NTNG1: variants seen among roughly 807,000 people sequenced by gnomAD.
The protein encoded by NTNG1 is netrin G1.
Under a neutral mutation model 54.0 loss-of-function variants are expected in NTNG1, and 16 were observed. The ratio of observed to expected loss-of-function variants is 0.30; its 90% CI spans 0.20 to 0.45. The LOEUF (loss-of-function observed/expected upper bound fraction) is 0.45, where lower values mean the gene tolerates loss of function less well. NTNG1 is among the 20% of genes least tolerant of loss of function. The pLI is 1.00. For missense variants in NTNG1, 530 were observed against 678.7 expected (o/e 0.78, Z 2.43); for synonymous variants, 255 against 263.1 (o/e 0.97, Z 0.30).
chr1:107,162,431 T>C (rs1655476251), intron 2 of NTNG1, among the ~76,000 whole-genome samples: 1 of 152,196 alleles, frequency 6.6e-6, no homozygotes, highest in African/African-American at 2.4e-5. Context: ...TGATGTATCA[T>C]GGTAACCACA....
intron 2 of NTNG1, among the ~76,000 whole-genome samples, chr1:107,153,607 T>C (rs1389949096): frequency 6.6e-6 from 1 of 152,224 alleles, no homozygotes; most frequent in Non-Finnish European, 1.5e-5. Context: ...TTGGAATGAA[T>C]TAAGTTCCAA....
At position 107,263,925 on chromosome 1, in the gene NTNG1, G is replaced by A. The variant is rs374945963; in HGVS notation, c.247-60357G>A. ...CAAACACATCTTGATGAAATGTTCT[G>A]AAGTTTCCTATCTTTAAAAAAAATG... On this transcript the variant is annotated intron_variant, in intron 2 of 7. Coordinates refer to ENST00000370068, the MANE Select transcript of NTNG1 (RefSeq NM_001113226.3). Among the ~76,000 whole-genome samples the A allele has an allele frequency of 2.8e-4, 43 of 152,180 alleles. 1 individual carries two copies. The South Asian group carries it at 8.9e-3, about 32-fold the overall frequency.
intron 7 of NTNG1, among the ~76,000 whole-genome samples, chr1:107,447,191 C>T (rs1464437838): frequency 6.6e-6 from 1 of 152,030 alleles, no homozygotes; most frequent in Non-Finnish European, 1.5e-5. Context: ...ATTTAGGCCT[C>T]TTTTTAATTA....
At chr1:107,315,359 A>G (rs1051447093) in intron 2 of NTNG1, among the ~76,000 whole-genome samples, 8 of 152,126 alleles carry the variant, frequency 5.3e-5, no homozygotes, top group African/African-American at 1.7e-4. Context: ...AGGATCCACT[A>G]TCCACACAGA....
rs650251 is a variant in NTNG1 at position 107,483,888 on chromosome 1, T to G, written c.*3048T>G. ...GATAATGGACATGCCCTGCTGTGAT[T>G]TGAGGGTTATTTATTTCTGACCCTG... On this transcript the variant is annotated 3_prime_UTR_variant, in exon 8 of 8. Coordinates refer to ENST00000370068, the MANE Select transcript of NTNG1 (RefSeq NM_001113226.3). Among the ~76,000 whole-genome samples, 147,409 of 152,258 alleles carry G rather than the reference T, an allele frequency of 0.97. 71,525 individuals are homozygous for G. Among genetic ancestry groups the G allele is most frequent in the East Asian group, 1 (5,178 of 5,178 alleles).
At chr1:107,417,041 A>G (rs989911639) in intron 5 of NTNG1, among the ~76,000 whole-genome samples, 4 of 152,148 alleles carry the variant, frequency 2.6e-5, no homozygotes, top group Admixed American at 6.6e-5. Flanking sequence ...TGATCATCAC[A>G]GATCAAGTAG....
At chr1:107,325,066 G>A in intron 3 of NTNG1, 144 bp downstream of exon 3, 1 of 784,704 alleles carries the variant, frequency 1.3e-6, no homozygotes, top group Non-Finnish European at 2.0e-6. Context: ...GGTTCTGAAG[G>A]CATTCTGAGA....
At chr1:107,410,618 T>A (rs1446901337) in intron 5 of NTNG1, 2 of 152,172 alleles carry the variant, frequency 1.3e-5, no homozygotes, top group Non-Finnish European at 2.9e-5. Flanking sequence ...CTTTACCTGA[T>A]GTGGTAGGAA....
intron 2 of NTNG1, among the ~76,000 whole-genome samples, chr1:107,296,820 T>A (rs1267959305): frequency 6.7e-6 from 1 of 148,888 alleles, no homozygotes; most frequent in Non-Finnish European, 1.5e-5. Context: ...TACATATAAC[T>A]AAAAGATAAT....
intron 3 of NTNG1, among the ~76,000 whole-genome samples, chr1:107,354,468 C>CAAAAAAAA (rs398049560): frequency 3.0e-5 from 2 of 66,126 alleles, no homozygotes; most frequent in Non-Finnish European, 5.3e-5. Context: ...GACTCCATCT[C>CAAAAAAAA]AAAAAAAAAA....
chr1:107,408,773 G>C (rs1673606770), intron 5 of NTNG1: 1 of 151,924 alleles, frequency 6.6e-6, no homozygotes, highest in Non-Finnish European at 1.5e-5. Flanking sequence ...CCCCTCACAG[G>C]CTTGTGTCAT....
intron 2 of NTNG1, among the ~76,000 whole-genome samples, chr1:107,184,426 A>T (rs145720873): frequency 7.9e-5 from 12 of 152,202 alleles, no homozygotes; most frequent in Non-Finnish European, 1.5e-4. Context: ...CCTTTTCCAT[A>T]GTAAATGGCC....
At chr1:107,290,967 A>ATATATATATATATATATATAT (rs1665553687) in intron 2 of NTNG1, among the ~76,000 whole-genome samples, 1 of 127,624 alleles carries the variant, frequency 7.8e-6, no homozygotes, top group Admixed American at 7.8e-5. Context: ...TATATATTAT[A>ATATATATATATATATATATAT]TATATATATA....
chr1:107,344,792 G>T (rs147866596), intron 3 of NTNG1, among the ~76,000 whole-genome samples: 1 of 152,124 alleles, frequency 6.6e-6, no homozygotes, highest in South Asian at 2.1e-4. Context: ...ACTCTTTTGG[G>T]TCATAAAGTT....
At chr1:107,426,653 T>G (rs903707495) in intron 5 of NTNG1, among the ~76,000 whole-genome samples, 3 of 152,010 alleles carry the variant, frequency 2.0e-5, no homozygotes, top group Non-Finnish European at 2.9e-5. Context: ...CTTTGGCTAT[T>G]TGGGCTTTTT....
intron 5 of NTNG1, among the ~76,000 whole-genome samples, chr1:107,428,329 T>C (rs1675027757): frequency 6.6e-6 from 1 of 152,140 alleles, no homozygotes; most frequent in Admixed American, 6.6e-5. Context: ...TCTACTTAGA[T>C]TGCTTTATGT....
At chr1:107,469,091 C>G (rs1369545162) in intron 7 of NTNG1, among the ~76,000 whole-genome samples, 1 of 120,478 alleles carries the variant, frequency 8.3e-6, no homozygotes, top group Non-Finnish European at 1.8e-5. Context: ...GATCAAAACT[C>G]CATTTCAAAA....
At chr1:107,141,438 G>T (rs1653689887) in intron 1 of NTNG1, 1 of 150,910 alleles carries the variant, frequency 6.6e-6, no homozygotes, top group Admixed American at 6.6e-5. Context: ...CCCGCCCGGC[G>T]CAAGGGCAAA....
At chr1:107,236,599 G>A (rs1391103248) in intron 2 of NTNG1, among the ~76,000 whole-genome samples, 2 of 152,156 alleles carry the variant, frequency 1.3e-5, no homozygotes, top group South Asian at 2.1e-4. Context: ...ATTTGGCTAT[G>A]TCCCCACCCA....
Sources: gnomAD v4.1 joint callset for allele counts (sites outside exome capture counted in the v4.1 genomes callset) on GRCh38, gnomAD v4.1.1 for gene constraint, MANE v1.5 for transcripts, NCBI Gene and HGNC (gene_info 2026-07-23, HGNC 2026-07-21) for gene names.